Variants in KDM7A observed in about 807,000 individuals in gnomAD.
KDM7A encodes lysine demethylase 7A, also known as lysine-specific demethylase 7A.
Under a neutral mutation model 114.8 loss-of-function variants are expected in KDM7A, and 28 were observed. That is an observed-to-expected ratio of 0.24 (90% CI 0.18 to 0.33). The LOEUF is 0.33. Ranked by LOEUF, KDM7A falls within the 10% of genes least tolerant of loss-of-function variation. The probability of loss-of-function intolerance (pLI) is 1.00; values close to 1 mark genes in which losing one functional copy is unlikely to be tolerated. For synonymous variants in KDM7A, 423 were observed against 397.8 expected, an observed-to-expected ratio of 1.06 and a Z score of -0.75; for missense variants, 942 against 1,142.5, an observed-to-expected ratio of 0.82 and a Z score of 2.53.
intron 1 of KDM7A, among the ~76,000 whole-genome samples, chr7:140,146,850 G>A (rs1044824973): frequency 5.3e-5 from 8 of 152,070 alleles, no homozygotes; most frequent in East Asian, 1.9e-4. Context: ...ATGACTAACC[G>A]AAATTCCCTA....
intron 4 of KDM7A, among the ~76,000 whole-genome samples, chr7:140,128,742 T>C (rs1043631202): frequency 2.0e-5 from 3 of 152,326 alleles, no homozygotes; most frequent in Admixed American, 6.5e-5. Flanking sequence ...GAGGAGATAA[T>C]ATAGTAAATA....
At chr7:140,155,846 G>A (rs1042294746) in intron 1 of KDM7A, among the ~76,000 whole-genome samples, 1 of 152,162 alleles carries the variant, frequency 6.6e-6, no homozygotes, top group Non-Finnish European at 1.5e-5. Context: ...TGCTCTTCTT[G>A]AAAGAATACT....
chr7:140,108,657 T>C (rs923444653), intron 11 of KDM7A, among the ~76,000 whole-genome samples: 1 of 152,144 alleles, frequency 6.6e-6, no homozygotes, highest in African/African-American at 2.4e-5. Flanking sequence ...GGCACCCAGC[T>C]GTATGAGGTG....
chr7:140,123,849 A>G (rs191121549), intron 7 of KDM7A, among the ~76,000 whole-genome samples: 2 of 152,296 alleles, frequency 1.3e-5, no homozygotes, highest in Non-Finnish European at 2.9e-5. Flanking sequence ...TGGTGGGCGG[A>G]TCACGAGGTC....
At chr7:140,156,034 C>T (rs562571183) in intron 1 of KDM7A, among the ~76,000 whole-genome samples, 3 of 152,278 alleles carry the variant, frequency 2.0e-5, no homozygotes, top group African/African-American at 7.2e-5. Flanking sequence ...GTTAACACTT[C>T]GTTGCAACAG....
rs112220102 is a variant in KDM7A, at chr7:140,175,324, T to G, written c.194+1420A>C. ...TCTCCCTGGACCAGTAGAGGGAGAC[T>G]AAGACATCTGGCCTGGTCTTGTAGT... On this transcript the variant is annotated intron_variant, in intron 1 of 19. Transcript: ENST00000397560. Among the ~76,000 whole-genome samples, 670 of 152,284 alleles carry G rather than the reference T, an allele frequency of 4.4e-3. 2 individuals carry two copies. The highest frequency in any genetic ancestry group is 7.5e-3 in the Non-Finnish European group (510 of 68,020).
At chr7:140,148,358 C>T (rs1347481367) in intron 1 of KDM7A, among the ~76,000 whole-genome samples, 2 of 152,012 alleles carry the variant, frequency 1.3e-5, no homozygotes, top group African/African-American at 4.8e-5. Flanking sequence ...TGTATGACTT[C>T]GGGTAACTTA....
At chr7:140,175,999 CG>C (rs201252636) in intron 1 of KDM7A, among the ~76,000 whole-genome samples, 8,839 of 152,080 alleles carry the variant, frequency 0.058, 330 homozygotes, top group East Asian at 0.13. Flanking sequence ...CGGGTGTGTG[CG>C]GGGGCCCAGG....
At position 140,176,734 on chromosome 7, in the gene KDM7A, GTTTA is replaced by G. The variant is rs761321369; in HGVS notation, c.194+6_194+9del. ...GGTGGCGGCTGCGGGGCTGGAGGGGGTTTATTTACCTGCCGTGGAACCAGTCCTT... is the reference window on the plus strand; with the variant it reads ...GGTGGCGGCTGCGGGGCTGGAGGGGGTTTACCTGCCGTGGAACCAGTCCTT... On this transcript the variant is annotated splice_donor_region_variant and intron_variant, in intron 1 of 19. Transcript: ENST00000397560. The surrounding 1 kb of genome is among the most constrained non-coding windows in gnomAD (Gnocchi z 4.4). 5.3e-5 allele frequency: 70 copies of G among 1,322,500 alleles called. No homozygotes were observed. The highest frequency in any genetic ancestry group is 6.3e-5 in the Non-Finnish European group (64 of 1,008,292). 81.9% of individuals were successfully genotyped at this position (1,322,500 alleles called of 1,614,324 possible).
At chr7:140,171,533 T>A (rs1794639403) in intron 1 of KDM7A, among the ~76,000 whole-genome samples, 1 of 144,074 alleles carries the variant, frequency 6.9e-6, no homozygotes, top group Non-Finnish European at 1.5e-5. Flanking sequence ...ATATATTTAT[T>A]TATATATTTA....
intron 1 of KDM7A, among the ~76,000 whole-genome samples, chr7:140,174,366 G>C (rs1043883447): frequency 3.3e-5 from 5 of 152,090 alleles, no homozygotes; most frequent in African/African-American, 1.2e-4. Context: ...ACAAATTTAT[G>C]TGTCAAAGCA....
intron 3 of KDM7A, among the ~76,000 whole-genome samples, chr7:140,132,925 C>G (rs546922088): frequency 1.3e-5 from 2 of 152,270 alleles, no homozygotes; most frequent in East Asian, 1.9e-4. Context: ...TGTGTAAAAG[C>G]CTATTAAGCA....
chr7:140,095,630 C>A, intron 17 of KDM7A: 1 of 285,498 alleles, frequency 3.5e-6, no homozygotes, highest in Non-Finnish European at 7.1e-6. Context: ...GTAATCTCAG[C>A]ACTTTGGGAA....
intron 11 of KDM7A, among the ~76,000 whole-genome samples, chr7:140,107,302 G>C (rs912467223): frequency 2.6e-5 from 4 of 152,152 alleles, no homozygotes; most frequent in African/African-American, 9.7e-5. Flanking sequence ...GTGTGAATTT[G>C]ATCCACTCAT....
At chr7:140,131,409 TATACA>T (rs774439957) in intron 3 of KDM7A, among the ~76,000 whole-genome samples, 1 of 152,194 alleles carries the variant, frequency 6.6e-6, no homozygotes, top group Non-Finnish European at 1.5e-5. Context: ...AGTCTCCACT[TATACA>T]ATCAGATCTT....
chr7:140,086,387 T>G lies in KDM7A; in HGVS notation c.*4707A>C, dbSNP rs997334150. 3 of 152,050 alleles carry G rather than the reference T, an allele frequency of 2.0e-5. No individual in the cohort carries two copies. The highest frequency in any genetic ancestry group is 7.2e-5 in the African/African-American group (3 of 41,396). The allele number at this position is 152,050 out of a possible 1,614,324, so 9.4% of individuals were successfully genotyped here. On this transcript the variant is annotated 3_prime_UTR_variant, in exon 20 of 20. Transcript: ENST00000397560. Reference sequence around the variant, plus strand: ...AAAGAGTATTATTTTCTCCTCTCAGTTAAAATGAGGAAAAAAATACTATAG... The same window carrying G: ...AAAGAGTATTATTTTCTCCTCTCAGGTAAAATGAGGAAAAAAATACTATAG...
intron 19 of KDM7A, 45 bp from the exon 20 acceptor site, chr7:140,091,233 C>T (rs1818013505): frequency 7.7e-7 from 1 of 1,297,828 alleles, no homozygotes; most frequent in Non-Finnish European, 1.1e-6. Context: ...GAAAAGTACA[C>T]TTAAGAGAGC....
chr7:140,128,506 A>AT (rs1818740822), intron 4 of KDM7A, among the ~76,000 whole-genome samples: 1 of 152,156 alleles, frequency 6.6e-6, no homozygotes, highest in African/African-American at 2.4e-5. Context: ...CAGTTTGAGC[A>AT]TTTTTTTCCT....
At chr7:140,166,237 T>C (rs1291109717) in intron 1 of KDM7A, among the ~76,000 whole-genome samples, 1 of 151,924 alleles carries the variant, frequency 6.6e-6, no homozygotes, top group Admixed American at 6.6e-5. Context: ...AAGAAAACTA[T>C]ACGATTCTCT....
Sources: gnomAD v4.1 joint callset for allele counts (sites outside exome capture counted in the v4.1 genomes callset) on GRCh38, gnomAD v4.1.1 for gene constraint, Gnocchi (gnomAD v3.1) non-coding constraint, MANE v1.5 for transcripts, NCBI Gene and HGNC (gene_info 2026-07-23, HGNC 2026-07-21) for gene names.